Variants in VAV2 observed in about 807,000 individuals in gnomAD.
VAV2 encodes guanine nucleotide exchange factor VAV2.
A neutral mutation model predicts 132.5 loss-of-function variants in VAV2; 67 were observed. The observed-to-expected ratio is 0.51, with a 90% CI of 0.42 to 0.62. The LOEUF is 0.62. Among genes scored for constraint, VAV2 ranks in the 20% least tolerant of loss-of-function variants. The pLI is 0.00. For missense variants in VAV2, 938 were observed against 1,153.6 expected, an observed-to-expected ratio of 0.81 and a Z score of 2.71; for synonymous variants, 492 against 443.5, an observed-to-expected ratio of 1.11 and a Z score of -1.37.
At chr9:133,985,229 T>A (rs1331870537) in intron 1 of VAV2, among the ~76,000 whole-genome samples, 6 of 1,658 alleles carry the variant, frequency 3.6e-3, no homozygotes, top group African/African-American at 0.025. Context: ...TGCCTTATTG[T>A]GTGTGTGTGT....
chr9:133,772,574 C>G (rs899930190), intron 25 of VAV2, among the ~76,000 whole-genome samples: 8 of 152,174 alleles, frequency 5.3e-5, no homozygotes, highest in African/African-American at 1.9e-4. Flanking sequence ...CGTCTCAATT[C>G]AAATGTGACC....
At chr9:133,805,463 C>T (rs909833141) in intron 9 of VAV2, among the ~76,000 whole-genome samples, 2 of 152,164 alleles carry the variant, frequency 1.3e-5, no homozygotes, top group Non-Finnish European at 2.9e-5. Flanking sequence ...TCTCCCCAGC[C>T]TCTGACAGCC....
At chr9:133,945,387 G>GCCAGA (rs1841322322) in intron 1 of VAV2, among the ~76,000 whole-genome samples, 1 of 152,196 alleles carries the variant, frequency 6.6e-6, no homozygotes, top group Non-Finnish European at 1.5e-5. Context: ...CAGAGAGGAG[G>GCCAGA]GGGCTGACCT....
At chr9:133,795,857 C>T (rs778826262) in intron 11 of VAV2, 121 bp from the exon 12 acceptor site, 19 of 1,082,598 alleles carry the variant, frequency 1.8e-5, no homozygotes, top group East Asian at 7.8e-5. Flanking sequence ...CACCCCCACC[C>T]GCCAGCCAGG....
At chr9:133,903,715 G>A (rs2789822) in intron 2 of VAV2, among the ~76,000 whole-genome samples, 105,909 of 151,884 alleles carry the variant, frequency 0.7, 37,678 homozygotes, top group East Asian at 0.93. Flanking sequence ...AAGCGTGGGC[G>A]TCACTGAAAA....
At chr9:133,944,351 G>C (rs796678781) in intron 1 of VAV2, among the ~76,000 whole-genome samples, 1 of 152,222 alleles carries the variant, frequency 6.6e-6, no homozygotes, top group East Asian at 1.9e-4. Flanking sequence ...GACCTGAGAG[G>C]GGTACAAAAG....
chr9:133,875,422 G>T (rs572492644), intron 2 of VAV2, among the ~76,000 whole-genome samples: 1 of 152,360 alleles, frequency 6.6e-6, no homozygotes, highest in Admixed American at 6.5e-5. Context: ...CAGAGGGCAG[G>T]CCCTGAGCAG....
chr9:133,874,755 C>T (rs1346025402), intron 2 of VAV2, among the ~76,000 whole-genome samples: 1 of 151,982 alleles, frequency 6.6e-6, no homozygotes, highest in Non-Finnish European at 1.5e-5. Flanking sequence ...GACAGTGAAC[C>T]AAGGGGCTGG....
At chr9:133,889,316 C>T (rs1179933935) in intron 2 of VAV2, among the ~76,000 whole-genome samples, 1 of 152,186 alleles carries the variant, frequency 6.6e-6, no homozygotes, top group Non-Finnish European at 1.5e-5. Context: ...AACATGCCCA[C>T]GCCTGTGTGG....
chr9:133,814,803 C>A (rs1835495085), intron 4 of VAV2, among the ~76,000 whole-genome samples: 1 of 152,122 alleles, frequency 6.6e-6, no homozygotes, highest in South Asian at 2.1e-4. Flanking sequence ...CGACATGCAA[C>A]GTCTTTCCTC....
At chr9:133,982,753 T>C (rs2132296450) in intron 1 of VAV2, among the ~76,000 whole-genome samples, 1 of 152,354 alleles carries the variant, frequency 6.6e-6, no homozygotes, top group East Asian at 1.9e-4. Context: ...GAAAGGTTTT[T>C]ACGTTTTTAA....
At chr9:133,916,309 G>C (rs55919234) in intron 2 of VAV2, among the ~76,000 whole-genome samples, 11,633 of 152,320 alleles carry the variant, frequency 0.076, 781 homozygotes, top group African/African-American at 0.18. Context: ...AATTGCCCGC[G>C]GAGCCTGTGA....
chr9:133,860,103 C>A (rs545355787), intron 3 of VAV2, among the ~76,000 whole-genome samples: 1 of 152,032 alleles, frequency 6.6e-6, no homozygotes, highest in East Asian at 1.9e-4. Context: ...GAGATCGAGA[C>A]CATCCTGGCT....
At position 133,826,201 on chromosome 9, in the gene VAV2, G is replaced by C. The variant is rs1564383016; in HGVS notation, c.449+8071C>G. 6.6e-6 allele frequency among the ~76,000 whole-genome samples: 1 copy of C among 152,202 alleles called. No homozygotes were observed. The highest frequency in any genetic ancestry group is 2.4e-5 in the African/African-American group (1 of 41,456). On this transcript the variant is annotated intron_variant, in intron 4 of 29. Transcript: ENST00000371850. The surrounding 1 kb of genome is among the most constrained non-coding windows in gnomAD (Gnocchi z 4.2). ...TCAGAGACTGGGAAACTGAGGCCCT[G>C]TGTGGCATTTAACTTGCCCAGAGAA... is the stretch of plus-strand genomic sequence containing the variant.
rs537770568 is a variant in VAV2 at position 133,863,179 on chromosome 9, C to T, written c.322-1747G>A. Among the ~76,000 whole-genome samples, 57 of 152,330 alleles carry T rather than the reference C, an allele frequency of 3.7e-4. No homozygotes were observed. Among genetic ancestry groups the T allele is most frequent in the African/African-American group, 1.3e-3 (52 of 41,558 alleles). On this transcript the variant is annotated intron_variant, in intron 2 of 29. Coordinates refer to ENST00000371850, the MANE Select transcript of VAV2 (RefSeq NM_001134398.2). This position sits in a 1 kb window ranked among gnomAD's most constrained non-coding sequence, Gnocchi z 5.0. ...CAAAAATGAAAGCAATATTGCTGTA[C>T]GTCCTTACAGTTATTTGGAAGAATG...
chr9:133,779,008 C>T (rs1833913180), intron 21 of VAV2, 119 bp from the exon 22 acceptor site: 5 of 1,307,468 alleles, frequency 3.8e-6, no homozygotes, highest in Non-Finnish European at 5.2e-6. Flanking sequence ...CACAGCCTTG[C>T]GCCTGCATCT....
chr9:133,943,819 C>A (rs1335852867), intron 1 of VAV2, among the ~76,000 whole-genome samples: 4 of 152,244 alleles, frequency 2.6e-5, no homozygotes, highest in Non-Finnish European at 5.9e-5. Flanking sequence ...GCCCTGGAAA[C>A]GTCAGCCCCT....
intron 1 of VAV2, among the ~76,000 whole-genome samples, chr9:133,981,711 G>A (rs1386213135): frequency 6.6e-6 from 1 of 152,268 alleles, no homozygotes; most frequent in Non-Finnish European, 1.5e-5. Context: ...AAGATGCTAT[G>A]TGTGGCCAAG....
intron 26 of VAV2, among the ~76,000 whole-genome samples, chr9:133,771,442 AG>A: frequency 2.0e-5 from 3 of 152,334 alleles, no homozygotes; most frequent in African/African-American, 7.2e-5. Flanking sequence ...GGCTCTAATC[AG>A]GAGTTCTCAA....
Sources: gnomAD v4.1 joint callset for allele counts (sites outside exome capture counted in the v4.1 genomes callset) on GRCh38, gnomAD v4.1.1 for gene constraint, Gnocchi (gnomAD v3.1) non-coding constraint, MANE v1.5 for transcripts, NCBI Gene and HGNC (gene_info 2026-07-23, HGNC 2026-07-21) for gene names.